Variants in NXPE4 observed in about 807,000 individuals in gnomAD.
NXPE4 encodes neurexophilin and PC-esterase domain family member 4, also known as NXPE family member 4.
NXPE4 carries 42 observed loss-of-function variants against 33.3 expected under a neutral mutation model. The ratio of observed to expected loss-of-function variants is 1.26; its 90% CI spans 0.98 to 1.63. NXPE4 has a LOEUF of 1.63. Among genes scored for constraint, NXPE4 ranks in the 40% most tolerant of loss-of-function variants. NXPE4 has a pLI of 0.00. For missense variants in NXPE4, 709 were observed against 647.6 expected, an observed-to-expected ratio of 1.09 and a Z score of -1.03; for synonymous variants, 253 against 234.9, an observed-to-expected ratio of 1.08 and a Z score of -0.71.
chr11:114,632,171 TAATA>T, the NXPE4 span, among the ~76,000 whole-genome samples: 10 of 141,162 alleles, frequency 7.1e-5, no homozygotes, highest in Non-Finnish European at 1.2e-4. Context: ...ATTTATCATA[TAATA>T]TATAATAAAT....
chr11:114,663,440 G>C, the NXPE4 span, among the ~76,000 whole-genome samples: 1 of 152,026 alleles, frequency 6.6e-6, no homozygotes, highest in Non-Finnish European at 1.5e-5. Flanking sequence ...ATAAAATGGG[G>C]GTTGTCTTAG....
the NXPE4 span, among the ~76,000 whole-genome samples, chr11:114,671,686 T>C: frequency 6.6e-6 from 1 of 152,012 alleles, no homozygotes; most frequent in East Asian, 1.9e-4. Context: ...CAGAGTGTTT[T>C]ATCTAGCAAA....
chr11:114,627,626 A>G, the NXPE4 span, among the ~76,000 whole-genome samples: 11 of 151,362 alleles, frequency 7.3e-5, no homozygotes, highest in Non-Finnish European at 1.5e-4. Context: ...GAGCAAAATA[A>G]CCACTTAACA....
At chr11:114,611,812 C>T in the NXPE4 span, among the ~76,000 whole-genome samples, 7 of 151,916 alleles carry the variant, frequency 4.6e-5, no homozygotes, top group African/African-American at 1.7e-4. Context: ...CTTGGGAAAC[C>T]ACTGTTACCC....
the NXPE4 span, among the ~76,000 whole-genome samples, chr11:114,673,110 T>C: frequency 1.3e-5 from 2 of 148,632 alleles, no homozygotes; most frequent in Non-Finnish European, 3.0e-5. Context: ...TATAAAATAA[T>C]TGAAATCATG....
At chr11:114,613,647 C>G in the NXPE4 span, among the ~76,000 whole-genome samples, 1 of 152,072 alleles carries the variant, frequency 6.6e-6, no homozygotes, top group South Asian at 2.1e-4. Flanking sequence ...CAAGTGTTGC[C>G]TTTGGTAACC....
At chr11:114,609,858 G>A in the NXPE4 span, among the ~76,000 whole-genome samples, 7 of 151,198 alleles carry the variant, frequency 4.6e-5, no homozygotes, top group East Asian at 2.0e-4. Flanking sequence ...CTATTGCCTC[G>A]CGGGTAACCA....
the NXPE4 span, among the ~76,000 whole-genome samples, chr11:114,608,835 GATA>G: frequency 2.0e-5 from 3 of 151,998 alleles, no homozygotes; most frequent in African/African-American, 7.2e-5. Context: ...TTACCTGGTG[GATA>G]ATAAGTGTTG....
chr11:114,636,837 A>G, the NXPE4 span, among the ~76,000 whole-genome samples: 1 of 152,092 alleles, frequency 6.6e-6, no homozygotes, highest in East Asian at 1.9e-4. Context: ...ACAGTTTGTT[A>G]TAATTTCTGT....
At chr11:114,667,677 C>T in the NXPE4 span, among the ~76,000 whole-genome samples, 11 of 152,056 alleles carry the variant, frequency 7.2e-5, no homozygotes, top group South Asian at 2.1e-4. Flanking sequence ...TGGAAAGTGG[C>T]GAAGAACTGA....
At chr11:114,582,112 G>C (rs907064599) in intron 3 of NXPE4, among the ~76,000 whole-genome samples, 176 bp downstream of exon 3, 2 of 152,024 alleles carry the variant, frequency 1.3e-5, no homozygotes, top group African/African-American at 4.8e-5. Context: ...TGTTCAAAAA[G>C]TTTGTGGATT....
At chr11:114,581,382 G>C (rs1949142154) in intron 4 of NXPE4, among the ~76,000 whole-genome samples, 1 of 152,118 alleles carries the variant, frequency 6.6e-6, no homozygotes, top group Non-Finnish European at 1.5e-5. Context: ...TATGGGAAGA[G>C]GTGATGGGAG....
chr11:114,623,250 G>T, the NXPE4 span, among the ~76,000 whole-genome samples: 1 of 152,018 alleles, frequency 6.6e-6, no homozygotes, highest in African/African-American at 2.4e-5. Context: ...CTGTTTCCCG[G>T]TGGGTAATAC....
At chr11:114,618,637 T>C in the NXPE4 span, among the ~76,000 whole-genome samples, 1 of 152,018 alleles carries the variant, frequency 6.6e-6, no homozygotes, top group South Asian at 2.1e-4. Context: ...TAACCACTGT[T>C]CCCCGGTTTA....
intron 2 of NXPE4, among the ~76,000 whole-genome samples, chr11:114,585,411 A>G (rs578151063): frequency 5.3e-4 from 80 of 152,168 alleles, no homozygotes; most frequent in Non-Finnish European, 8.7e-4. Context: ...GGACACACAT[A>G]GACTGAAAGT....
chr11:114,675,113 A>G, the NXPE4 span, among the ~76,000 whole-genome samples: 1 of 151,762 alleles, frequency 6.6e-6, no homozygotes, highest in Non-Finnish European at 1.5e-5. Context: ...TTCATGAGAA[A>G]AAAACTCTAA....
At chr11:114,611,933 G>C in the NXPE4 span, among the ~76,000 whole-genome samples, 2 of 151,934 alleles carry the variant, frequency 1.3e-5, no homozygotes, top group African/African-American at 4.8e-5. Flanking sequence ...TGCCCGGTGG[G>C]TAACCACTGT....
upstream of NXPE4, among the ~76,000 whole-genome samples, chr11:114,596,832 A>T (rs1949577736): frequency 6.6e-6 from 1 of 152,196 alleles, no homozygotes; most frequent in Admixed American, 6.5e-5. Flanking sequence ...ATAGATTTTG[A>T]AATCTAATGT....
the NXPE4 span, among the ~76,000 whole-genome samples, chr11:114,605,719 G>A: frequency 1.3e-5 from 2 of 151,826 alleles, no homozygotes; most frequent in African/African-American, 2.4e-5. Flanking sequence ...TTACCTAATG[G>A]GTAACCACTT....
Sources: gnomAD v4.1 joint callset for allele counts (sites outside exome capture counted in the v4.1 genomes callset) on GRCh38, gnomAD v4.1.1 for gene constraint, MANE v1.5 for transcripts, NCBI Gene and HGNC (gene_info 2026-07-23, HGNC 2026-07-21) for gene names.